Variants in MARK1 observed in about 807,000 individuals in gnomAD.
MARK1 encodes the protein serine/threonine-protein kinase MARK1.
In MARK1, 40 loss-of-function variants were observed where a neutral mutation model predicts 96.3. The observed-to-expected ratio is 0.42, with a 90% confidence interval of 0.32 to 0.54. The LOEUF is 0.54. MARK1 is among the 20% of genes least tolerant of loss of function. MARK1 has a pLI of 0.16. For synonymous variants in MARK1, 317 were observed against 341.2 expected, an observed-to-expected ratio of 0.93 and a Z score of 0.78; for missense variants, 719 against 984.6, an observed-to-expected ratio of 0.73 and a Z score of 3.61.
At chr1:220,638,663 TG>T (rs1668103111) in intron 13 of MARK1, among the ~76,000 whole-genome samples, 1 of 152,178 alleles carries the variant, frequency 6.6e-6, no homozygotes, top group Non-Finnish European at 1.5e-5. Flanking sequence ...AAATTAAATA[TG>T]TCACACTTAT....
At chr1:220,650,791 G>T in intron 14 of MARK1, 71 bp downstream of exon 14, 1 of 1,045,084 alleles carries the variant, frequency 9.6e-7, no homozygotes, top group South Asian at 1.4e-5. Flanking sequence ...TGAAATGCCT[G>T]CAGCCGAATG....
At chr1:220,533,543 T>A (rs1448223972) in intron 1 of MARK1, among the ~76,000 whole-genome samples, 1 of 152,226 alleles carries the variant, frequency 6.6e-6, no homozygotes. Flanking sequence ...AGTGATGAAC[T>A]TTTTTAGATC....
At chr1:220,631,252 T>A in intron 10 of MARK1, 118 bp downstream of exon 10, 1 of 546,666 alleles carries the variant, frequency 1.8e-6, no homozygotes, top group Non-Finnish European at 3.2e-6. Context: ...GAAAAATACT[T>A]GCATTGTCAT....
intron 6 of MARK1, 41 bp downstream of exon 6, chr1:220,604,178 T>A: frequency 7.3e-7 from 1 of 1,378,476 alleles, no homozygotes; most frequent in Non-Finnish European, 1.0e-6. Context: ...CTGATAATTG[T>A]AGCGATGTAC....
intron 1 of MARK1, among the ~76,000 whole-genome samples, chr1:220,544,576 T>G (rs1661355445): frequency 6.6e-6 from 1 of 152,190 alleles, no homozygotes; most frequent in Non-Finnish European, 1.5e-5. Flanking sequence ...CTAAATAAAT[T>G]TTTGTTCATT....
At chr1:220,605,678 C>T (rs1357575826) in intron 6 of MARK1, among the ~76,000 whole-genome samples, 3 of 149,006 alleles carry the variant, frequency 2.0e-5, no homozygotes, top group African/African-American at 5.0e-5. Context: ...CCCCACCCCA[C>T]GACAGGCCCC....
Position 220,635,374 on chromosome 1 carries a change from A to C in MARK1, c.1123-2A>C, listed in dbSNP as rs1271403853. On this transcript the variant is annotated splice_acceptor_variant, in intron 11 of 17. Transcript: ENST00000366917. LOFTEE classifies it high-confidence loss of function. ...AAATCCCTGTGGTTTTTCTTCTTAT[A>C]GTTTGAAGGTGGTGAATCGTTATCC... The C allele has an allele frequency of 7.1e-7, 1 of 1,401,374 alleles. No individual in the cohort carries two copies. The highest frequency in any genetic ancestry group is 9.4e-7 in the Non-Finnish European group (1 of 1,066,964). The allele number at this position is 1,401,374 out of a possible 1,614,324, so 86.8% of individuals were successfully genotyped here.
At chr1:220,535,049 C>T (rs1039868978) in intron 1 of MARK1, among the ~76,000 whole-genome samples, 3 of 151,998 alleles carry the variant, frequency 2.0e-5, no homozygotes, top group South Asian at 4.2e-4. Context: ...CAGAAATGGT[C>T]GTATGTTAGT....
At chr1:220,534,422 A>G (rs908997538) in intron 1 of MARK1, among the ~76,000 whole-genome samples, 6 of 152,044 alleles carry the variant, frequency 3.9e-5, no homozygotes, top group African/African-American at 1.4e-4. Context: ...TCATTAATCA[A>G]TCTCTCTTCA....
intron 1 of MARK1, among the ~76,000 whole-genome samples, chr1:220,551,823 A>G (rs1224187543): frequency 6.6e-6 from 1 of 152,202 alleles, no homozygotes; most frequent in African/African-American, 2.4e-5. Context: ...TGGTATTTAT[A>G]ATTACCTCCT....
rs1666881632 is a variant in MARK1, at chr1:220,618,567, T to G, written c.789+21T>G. 6.2e-7 allele frequency: 1 copy of G among 1,613,072 alleles called. No homozygotes were observed. Among genetic ancestry groups the G allele is most frequent in the East Asian group, 2.2e-5 (1 of 44,870 alleles). On this transcript the variant is annotated intron_variant, in intron 8 of 17. Transcript: ENST00000366917. This position sits in a 1 kb window ranked among gnomAD's most constrained non-coding sequence, Gnocchi z 4.6. ...TAAAGGTATCAGCTAAATTCTTTAT[T>G]AATGTTTTATCCCCAAGTATGATTA...
intron 9 of MARK1, among the ~76,000 whole-genome samples, chr1:220,620,386 A>G (rs1300784815): frequency 6.6e-5 from 10 of 152,184 alleles, no homozygotes; most frequent in Non-Finnish European, 4.4e-5. Context: ...AACTTTAGAG[A>G]ACATGTTTTG....
At chr1:220,586,104 C>G (rs372725024) in intron 3 of MARK1, among the ~76,000 whole-genome samples, 2 of 152,164 alleles carry the variant, frequency 1.3e-5, no homozygotes, top group South Asian at 4.2e-4. Context: ...ATATGCTATC[C>G]CTTTGTTTAA....
intron 13 of MARK1, among the ~76,000 whole-genome samples, chr1:220,639,356 C>T (rs1668144665): frequency 6.6e-6 from 1 of 152,108 alleles, no homozygotes; most frequent in South Asian, 2.1e-4. Flanking sequence ...TGAGATCATA[C>T]TATGTAACAT....
rs5781180 is a variant in MARK1 at position 220,598,398 on chromosome 1, TTA to T, written c.358+38_358+39del. ...AATATAGGTATGAAATATATATATA[TTA>T]TATATATATATATATATAATTAGCG... On this transcript the variant is annotated intron_variant, in intron 4 of 17. Transcript: ENST00000366917. The T allele has an allele frequency of 7.2e-3, 1,505 of 209,936 alleles. No homozygotes were observed. Among genetic ancestry groups the T allele is most frequent in the South Asian group, 0.018 (200 of 11,200 alleles). The allele number at this position is 209,936 out of a possible 1,614,324, so 13.0% of individuals were successfully genotyped here.
intron 6 of MARK1, among the ~76,000 whole-genome samples, chr1:220,615,488 A>G (rs986921703): frequency 6.6e-6 from 1 of 152,174 alleles, no homozygotes; most frequent in Non-Finnish European, 1.5e-5. Flanking sequence ...TGGCCTCACT[A>G]AAGAAACATG....
At chr1:220,535,370 G>A (rs890148850) in intron 1 of MARK1, among the ~76,000 whole-genome samples, 1 of 152,040 alleles carries the variant, frequency 6.6e-6, no homozygotes, top group African/African-American at 2.4e-5. Context: ...CCATTTGTAT[G>A]TCTTCTTTAG....
intron 2 of MARK1, among the ~76,000 whole-genome samples, 157 bp from the exon 3 acceptor site, chr1:220,580,908 T>G (rs12127574): frequency 0.015 from 2,333 of 152,326 alleles, 35 homozygotes; most frequent in Non-Finnish European, 0.022. Context: ...ATTCTAAGAC[T>G]GCCAAATTAT....
Position 220,618,806 on chromosome 1 carries a change from C to T in MARK1, c.909+51C>T, listed in dbSNP as rs1319896862. The T allele has an allele frequency of 1.4e-6, 2 of 1,472,094 alleles. No individual in the cohort carries two copies. The highest frequency in any genetic ancestry group is 2.9e-5 in the African/African-American group (2 of 69,516). The allele number at this position is 1,472,094 out of a possible 1,614,324, so 91.2% of individuals were successfully genotyped here. ...TTAAATTTTAACAATTAAAATATTC[C>T]AGGAACCGAAGAGCATTTTTCTCCT... is the stretch of plus-strand genomic sequence containing the variant. On this transcript the variant is annotated intron_variant, in intron 9 of 17. Coordinates refer to ENST00000366917, the MANE Select transcript of MARK1 (RefSeq NM_018650.5). The surrounding 1 kb of genome is among the most constrained non-coding windows in gnomAD (Gnocchi z 4.6).
Sources: allele counts gnomAD v4.1 joint callset (sites outside exome capture counted in the v4.1 genomes callset), GRCh38; gene constraint gnomAD v4.1.1; non-coding constraint Gnocchi (gnomAD v3.1); transcripts MANE v1.5; gene names NCBI Gene and HGNC (gene_info 2026-07-23, HGNC 2026-07-21).